The following CNTNAP4 variants were observed in gnomAD, a reference collection of about 807,000 sequenced individuals.
CNTNAP4 encodes contactin-associated protein-like 4.
In CNTNAP4, 98 loss-of-function variants were observed where a neutral mutation model predicts 148.4. The ratio of observed to expected loss-of-function variants is 0.66; its 90% confidence interval spans 0.56 to 0.78. The LOEUF (loss-of-function observed/expected upper bound fraction) is 0.78. Ranked by LOEUF, CNTNAP4 falls within the 30% of genes least tolerant of loss-of-function variation. CNTNAP4 has a pLI of 0.00. For synonymous variants in CNTNAP4, 730 were observed against 565.1 expected, an observed-to-expected ratio of 1.29 and a Z score of -4.14; for missense variants, 1,935 against 1,565.6, an observed-to-expected ratio of 1.24 and a Z score of -3.98.
intron 3 of CNTNAP4, among the ~76,000 whole-genome samples, chr16:76,357,043 A>C (rs1252660315): frequency 1.4e-5 from 2 of 147,502 alleles, no homozygotes; most frequent in Non-Finnish European, 3.0e-5. Context: ...AAAAACAAAC[A>C]AAACAACAAA....
chr16:76,438,130 G>A (rs2079901249), intron 4 of CNTNAP4, among the ~76,000 whole-genome samples: 1 of 152,114 alleles, frequency 6.6e-6, no homozygotes, highest in Non-Finnish European at 1.5e-5. Context: ...AGTGGGGACA[G>A]AGGTCAGATT....
At chr16:76,502,360 G>A (rs2082683837) in intron 15 of CNTNAP4, among the ~76,000 whole-genome samples, 1 of 149,808 alleles carries the variant, frequency 6.7e-6, no homozygotes, top group Non-Finnish European at 1.5e-5. Context: ...AAGTTACAAC[G>A]CCATAGGTAC....
At chr16:76,555,407 T>G (rs551520630) in intron 23 of CNTNAP4, among the ~76,000 whole-genome samples, 11 of 152,328 alleles carry the variant, frequency 7.2e-5, no homozygotes, top group African/African-American at 2.6e-4. Flanking sequence ...AATAATTGTA[T>G]GTCTAAAAGA....
chr16:76,458,784 T>C (rs1219642403), intron 8 of CNTNAP4, among the ~76,000 whole-genome samples: 3 of 152,138 alleles, frequency 2.0e-5, no homozygotes, highest in African/African-American at 7.2e-5. Flanking sequence ...GCCCTGGGGA[T>C]TGGGGACGCC....
rs765014309 is a variant in CNTNAP4 at position 76,495,061 on chromosome 16, T to C, written c.2232T>C (p.Asn744=). 2.5e-6 allele frequency: 4 copies of C among 1,612,828 alleles called. No individual in the cohort carries two copies. The highest frequency in any genetic ancestry group is 1.1e-5 in the South Asian group (1 of 90,982). The change falls in exon 14 of 24, where the codon AAT becomes AAC. Residue 744 remains asparagine (N), a synonymous_variant. Coordinates refer to ENST00000611870, the MANE Select transcript of CNTNAP4 (RefSeq NM_033401.5). ...QYYCNCDADR[N]EWTNDTGLLA... is the part of the protein sequence containing the mutation. ...ACTGCAATTGTGATGCTGACCGGAA[T>C]GAATGGTGATTTCCATATGATTTCT...
chr16:76,381,906 A>G (rs1446242150), intron 3 of CNTNAP4, among the ~76,000 whole-genome samples: 1 of 151,982 alleles, frequency 6.6e-6, no homozygotes, highest in Admixed American at 6.5e-5. Flanking sequence ...TAAAAATACA[A>G]AAATTAGCTG....
chr16:76,550,856 T>C (rs1185308514), intron 21 of CNTNAP4, among the ~76,000 whole-genome samples: 2 of 152,136 alleles, frequency 1.3e-5, no homozygotes, highest in Non-Finnish European at 1.5e-5. Flanking sequence ...ATCTTTATGT[T>C]TGAGGAGCTC....
chr16:76,349,429 G>C (rs1386420013), intron 2 of CNTNAP4, among the ~76,000 whole-genome samples: 1 of 152,090 alleles, frequency 6.6e-6, no homozygotes. Flanking sequence ...GTAGAGTCAC[G>C]TTCTCTTCCA....
intron 1 of CNTNAP4, among the ~76,000 whole-genome samples, chr16:76,295,474 G>T (rs1265132498): frequency 6.6e-6 from 1 of 152,152 alleles, no homozygotes; most frequent in African/African-American, 2.4e-5. Context: ...TCAGGAGGGT[G>T]AAGGATGGGA....
At chr16:76,327,619 G>T (rs1963122596) in intron 2 of CNTNAP4, among the ~76,000 whole-genome samples, 1 of 152,130 alleles carries the variant, frequency 6.6e-6, no homozygotes, top group African/African-American at 2.4e-5. Context: ...CTCATCTAGG[G>T]CTGTATCATT....
At chr16:76,470,773 C>G (rs1356229961) in intron 10 of CNTNAP4, among the ~76,000 whole-genome samples, 2 of 152,004 alleles carry the variant, frequency 1.3e-5, no homozygotes, top group Admixed American at 1.3e-4. Context: ...TTGGCTCAAA[C>G]CTACAGATAA....
chr16:76,551,878 A>G (rs2084965555), intron 21 of CNTNAP4, among the ~76,000 whole-genome samples: 1 of 152,142 alleles, frequency 6.6e-6, no homozygotes, highest in South Asian at 2.1e-4. Flanking sequence ...TTTCAAAAGA[A>G]AGACTAAAGT....
intron 17 of CNTNAP4, among the ~76,000 whole-genome samples, chr16:76,527,312 G>A (rs964455468): frequency 6.6e-6 from 1 of 152,138 alleles, no homozygotes; most frequent in African/African-American, 2.4e-5. Context: ...TTAGGGTTAA[G>A]TCTTGCTCTA....
intron 3 of CNTNAP4, among the ~76,000 whole-genome samples, chr16:76,390,908 T>C (rs937721841): frequency 5.9e-5 from 9 of 152,128 alleles, no homozygotes; most frequent in African/African-American, 1.9e-4. Flanking sequence ...TATATATTTA[T>C]GGGGTACATG....
intron 3 of CNTNAP4, among the ~76,000 whole-genome samples, chr16:76,380,698 G>C (rs2015881909): frequency 6.6e-6 from 1 of 151,998 alleles, no homozygotes; most frequent in East Asian, 1.9e-4. Context: ...ATAGCTGAAG[G>C]GCTGTGTTCT....
chr16:76,401,690 T>G (rs1438185818), intron 3 of CNTNAP4, among the ~76,000 whole-genome samples: 1 of 152,180 alleles, frequency 6.6e-6, no homozygotes, highest in African/African-American at 2.4e-5. Flanking sequence ...TTGCCATAGA[T>G]AGCTTTTATT....
chr16:76,372,208 C>T (rs1023103106), intron 3 of CNTNAP4, among the ~76,000 whole-genome samples: 1 of 146,184 alleles, frequency 6.8e-6, no homozygotes, highest in Non-Finnish European at 1.5e-5. Flanking sequence ...GGCGCAATCT[C>T]GGTTCACTGC....
chr16:76,378,034 A>T (rs1446180205), intron 3 of CNTNAP4, among the ~76,000 whole-genome samples: 1 of 152,202 alleles, frequency 6.6e-6, no homozygotes, highest in African/African-American at 2.4e-5. Flanking sequence ...TGGAGTCTGG[A>T]TTAGAAACCC....
chr16:76,298,917 C>T lies in CNTNAP4; in HGVS notation c.86-17496C>T, dbSNP rs187380650. 2.5e-4 allele frequency among the ~76,000 whole-genome samples: 38 copies of T among 152,232 alleles called. 1 individual carries two copies. In the South Asian group the frequency reaches 3.9e-3, roughly 16 times the overall value. ...TGTGGTTTGTATTAAATCAGTTCCTCTTTAATGATTGTGACTTGATGTTCT... is the reference window on the plus strand; with the variant it reads ...TGTGGTTTGTATTAAATCAGTTCCTTTTTAATGATTGTGACTTGATGTTCT... On this transcript the variant is annotated intron_variant, in intron 1 of 23. Coordinates refer to ENST00000611870, the MANE Select transcript of CNTNAP4 (RefSeq NM_033401.5).
Sources: gnomAD v4.1 joint callset for allele counts (sites outside exome capture counted in the v4.1 genomes callset) on GRCh38, gnomAD v4.1.1 for gene constraint, MANE v1.5 for transcripts, NCBI Gene and HGNC (gene_info 2026-07-23, HGNC 2026-07-21) for gene names.